Variants in AP3B1 observed in about 807,000 individuals in gnomAD.
AP3B1 encodes adaptor related protein complex 3 subunit beta 1, also known as AP-3 complex subunit beta-1.
Under a neutral mutation model 132.5 loss-of-function variants are expected in AP3B1, and 61 were observed. The ratio of observed to expected loss-of-function variants is 0.46; its 90% CI spans 0.37 to 0.57. The LOEUF is 0.57. AP3B1 is among the 20% of genes least tolerant of loss of function. The probability of loss-of-function intolerance (pLI) is 0.00; values close to 1 mark genes in which losing one functional copy is unlikely to be tolerated. For synonymous variants in AP3B1, 388 were observed against 438.3 expected (o/e 0.89, Z 1.43); for missense variants, 1,120 against 1,289.4 (o/e 0.87, Z 2.01).
At chr5:78,289,574 A>G (rs1749423012) in intron 1 of AP3B1, among the ~76,000 whole-genome samples, 2 of 152,212 alleles carry the variant, frequency 1.3e-5, no homozygotes, top group Non-Finnish European at 2.9e-5. Context: ...GTCACCTTTC[A>G]GTTGTTAAAC....
At chr5:78,163,629 T>C (rs1180800445) in intron 12 of AP3B1, among the ~76,000 whole-genome samples, 3 of 147,434 alleles carry the variant, frequency 2.0e-5, no homozygotes, top group Non-Finnish European at 3.0e-5. Context: ...ATATAGTATA[T>C]ATATAGTATA....
chr5:78,129,326 T>C lies in AP3B1; in HGVS notation c.1651-19A>G, dbSNP rs765247834. 3 of 1,566,968 alleles carry C rather than the reference T, an allele frequency of 1.9e-6. No individual in the cohort carries two copies. Among genetic ancestry groups the C allele is most frequent in the East Asian group, 2.2e-5 (1 of 44,536 alleles). On this transcript the variant is annotated intron_variant, in intron 15 of 26. Coordinates refer to ENST00000255194, the MANE Select transcript of AP3B1 (RefSeq NM_003664.5). Reference sequence around the variant, plus strand: ...ATTTTGTCTGTTGGAAAAAAACAGATCAAGATGAGAATACAGTTATTTATG... The same window carrying C: ...ATTTTGTCTGTTGGAAAAAAACAGACCAAGATGAGAATACAGTTATTTATG...
intron 1 of AP3B1, among the ~76,000 whole-genome samples, chr5:78,291,894 T>A (rs561992108): frequency 6.6e-6 from 1 of 152,174 alleles, no homozygotes; most frequent in Admixed American, 6.5e-5. Context: ...TTCTTAAAAA[T>A]TACACATTAA....
At chr5:78,080,619 T>C (rs954704086) in intron 22 of AP3B1, among the ~76,000 whole-genome samples, 19 of 131,942 alleles carry the variant, frequency 1.4e-4, no homozygotes, top group African/African-American at 5.1e-4. Context: ...TGGGTATGCC[T>C]CCAATTTTTT....
chr5:78,201,097 C>T (rs1216980207), intron 7 of AP3B1, among the ~76,000 whole-genome samples: 2 of 152,082 alleles, frequency 1.3e-5, no homozygotes, highest in Non-Finnish European at 1.5e-5. Flanking sequence ...AGAAACCAAA[C>T]CTGCCAACAC....
chr5:78,142,267 A>G (rs1420864711), intron 14 of AP3B1, among the ~76,000 whole-genome samples: 1 of 152,274 alleles, frequency 6.6e-6, no homozygotes, highest in African/African-American at 2.4e-5. Flanking sequence ...AATTTAGAGT[A>G]TGCAAATTAG....
chr5:78,021,806 C>T (rs1580248680), intron 24 of AP3B1, among the ~76,000 whole-genome samples: 1 of 152,208 alleles, frequency 6.6e-6, no homozygotes, highest in South Asian at 2.1e-4. Flanking sequence ...AGTTTACATT[C>T]CATTGAAGGA....
intron 20 of AP3B1, among the ~76,000 whole-genome samples, chr5:78,102,023 A>T (rs1444913407): frequency 6.6e-6 from 1 of 152,072 alleles, no homozygotes; most frequent in Non-Finnish European, 1.5e-5. Flanking sequence ...TATATATTAG[A>T]TTCTGTGCCA....
chr5:78,285,959 C>A (rs952257175), intron 1 of AP3B1, among the ~76,000 whole-genome samples: 3 of 152,272 alleles, frequency 2.0e-5, no homozygotes, highest in Middle Eastern at 3.4e-3. Context: ...GTTCAAGAGG[C>A]AAAATGTCCC....
At chr5:78,032,257 ATCTGACAGGCTTTTGG>A (rs1373192465) in intron 24 of AP3B1, among the ~76,000 whole-genome samples, 1 of 152,214 alleles carries the variant, frequency 6.6e-6, no homozygotes, top group African/African-American at 2.4e-5. Flanking sequence ...ATAAAAGAGT[ATCTGACAGGCTTTTGG>A]TCCATGTTCC....
intron 22 of AP3B1, among the ~76,000 whole-genome samples, chr5:78,066,718 A>T (rs1749307190): frequency 6.6e-6 from 1 of 152,180 alleles, no homozygotes; most frequent in Admixed American, 6.5e-5. Context: ...AGATGGGGAG[A>T]ATGGAAGAAG....
At chr5:78,201,656 T>G (rs1263291710) in intron 7 of AP3B1, among the ~76,000 whole-genome samples, 1 of 152,222 alleles carries the variant, frequency 6.6e-6, no homozygotes, top group Non-Finnish European at 1.5e-5. Context: ...ATTATATTCA[T>G]GTTTTTGCAT....
At chr5:78,037,695 C>A (rs1747864151) in intron 23 of AP3B1, among the ~76,000 whole-genome samples, 1 of 152,098 alleles carries the variant, frequency 6.6e-6, no homozygotes, top group Admixed American at 6.5e-5. Flanking sequence ...AAAGAAGGTA[C>A]AATTACCTAA....
At position 78,128,067 on chromosome 5, in the gene AP3B1, G is replaced by T; in HGVS notation, c.1931C>A (p.Pro644His). 1 of 1,613,270 alleles carries T rather than the reference G, an allele frequency of 6.2e-7. No individual in the cohort carries two copies. Among genetic ancestry groups the T allele is most frequent in the Non-Finnish European group, 8.5e-7 (1 of 1,179,372 alleles). The change falls in exon 17 of 27, where the codon CCC (proline) becomes CAC (histidine). Residue 644 changes from proline to histidine, a missense_variant. Pro to His is a moderately conservative substitution (Grantham distance 77). Transcript: ENST00000255194. ...TTCTACATTTCGAACTGATGGGTCG[G>T]GCGCCACCTCTGGCCAATTAGATAA... is the stretch of plus-strand genomic sequence containing the variant. ...LELSNWPEVA[P>H]DPSVRNVEVI... is the part of the protein sequence containing the mutation.
chr5:78,165,203 T>C (rs1365314155), intron 12 of AP3B1, among the ~76,000 whole-genome samples: 1 of 152,098 alleles, frequency 6.6e-6, no homozygotes, highest in Non-Finnish European at 1.5e-5. Flanking sequence ...TTTTGAGCTA[T>C]ATATGAGGCT....
chr5:78,186,592 GA>G (rs1744616271), intron 7 of AP3B1, among the ~76,000 whole-genome samples: 2 of 152,146 alleles, frequency 1.3e-5, no homozygotes, highest in African/African-American at 4.8e-5. Context: ...GGGGAAAATT[GA>G]GTAAAGGTTA....
chr5:78,161,854 A>T (rs1743400073), intron 13 of AP3B1, among the ~76,000 whole-genome samples: 1 of 151,956 alleles, frequency 6.6e-6, no homozygotes, highest in African/African-American at 2.4e-5. Flanking sequence ...ACAATGTTAC[A>T]GTTTTCTAAA....
At chr5:78,228,072 A>T in intron 4 of AP3B1, 72 bp downstream of exon 4, 1 of 1,058,304 alleles carries the variant, frequency 9.4e-7, no homozygotes, top group Non-Finnish European at 1.4e-6. Flanking sequence ...TTATCGCTCC[A>T]CTTCTTTAAC....
chr5:78,288,764 T>C (rs1048804903), intron 1 of AP3B1, among the ~76,000 whole-genome samples: 2 of 152,176 alleles, frequency 1.3e-5, no homozygotes, highest in Admixed American at 6.5e-5. Context: ...CAAATCACAG[T>C]CTTTAATATG....
Sources: gnomAD v4.1 joint callset for allele counts (sites outside exome capture counted in the v4.1 genomes callset) on GRCh38, gnomAD v4.1.1 for gene constraint, MANE v1.5 for transcripts, NCBI Gene and HGNC (gene_info 2026-07-23, HGNC 2026-07-21) for gene names.